The following GPC6 variants were observed in gnomAD, a reference collection of about 807,000 sequenced individuals.
The protein encoded by GPC6 is glypican 6, also known as glypican-6.
In GPC6, 14 loss-of-function variants were observed where a neutral mutation model predicts 55.2. That is an observed-to-expected ratio of 0.25 (90% confidence interval 0.17 to 0.40). The LOEUF (loss-of-function observed/expected upper bound fraction) is 0.40, where lower values mean the gene tolerates loss of function less well. Ranked by LOEUF, GPC6 falls within the 10% of genes least tolerant of loss-of-function variation. The pLI is 1.00. For missense variants in GPC6, 641 were observed against 708.5 expected (o/e 0.90, Z 1.08); for synonymous variants, 278 against 259.6 (o/e 1.07, Z -0.68).
At chr13:93,734,680 A>T (rs1198755303) in intron 2 of GPC6, among the ~76,000 whole-genome samples, 4 of 152,204 alleles carry the variant, frequency 2.6e-5, no homozygotes, top group African/African-American at 9.6e-5. Flanking sequence ...AAAAATAATG[A>T]GCCAATTAAT....
intron 2 of GPC6, among the ~76,000 whole-genome samples, chr13:93,782,693 T>C (rs1885692452): frequency 6.6e-6 from 1 of 152,188 alleles, no homozygotes; most frequent in Non-Finnish European, 1.5e-5. Flanking sequence ...GTTGAGCACT[T>C]TTACATATAC....
intron 6 of GPC6, among the ~76,000 whole-genome samples, chr13:94,357,436 C>T (rs1878852776): frequency 6.6e-6 from 1 of 152,176 alleles, no homozygotes; most frequent in Non-Finnish European, 1.5e-5. Flanking sequence ...ACCTCTGGAC[C>T]ATCTGATGCT....
chr13:93,288,982 G>A (rs1878227647), intron 1 of GPC6, among the ~76,000 whole-genome samples: 1 of 152,182 alleles, frequency 6.6e-6, no homozygotes, highest in South Asian at 2.1e-4. Flanking sequence ...GACAATGAGA[G>A]CAGTGAAATG....
At chr13:93,876,655 T>C (rs1050828941) in intron 3 of GPC6, among the ~76,000 whole-genome samples, 1 of 152,100 alleles carries the variant, frequency 6.6e-6, no homozygotes, top group Non-Finnish European at 1.5e-5. Flanking sequence ...TTAAAACACT[T>C]CTCTCACTTT....
intron 2 of GPC6, among the ~76,000 whole-genome samples, chr13:93,565,489 C>A (rs1876052889): frequency 6.6e-6 from 1 of 152,176 alleles, no homozygotes; most frequent in Non-Finnish European, 1.5e-5. Flanking sequence ...TTGAGAGTAT[C>A]TTGATCGTTT....
chr13:93,729,382 A>C (rs932363940), intron 2 of GPC6, among the ~76,000 whole-genome samples: 2 of 152,094 alleles, frequency 1.3e-5, no homozygotes, highest in Non-Finnish European at 2.9e-5. Flanking sequence ...ATGTTGACAT[A>C]CTCCTTTATA....
intron 1 of GPC6, among the ~76,000 whole-genome samples, chr13:93,369,758 G>A (rs1396519039): frequency 6.6e-6 from 1 of 152,026 alleles, no homozygotes; most frequent in Non-Finnish European, 1.5e-5. Flanking sequence ...ACTCTATAAG[G>A]AGGAATGAAA....
chr13:93,955,578 C>T (rs1229102319), intron 3 of GPC6, among the ~76,000 whole-genome samples: 5 of 152,050 alleles, frequency 3.3e-5, no homozygotes, highest in African/African-American at 1.2e-4. Flanking sequence ...TTCTAGGCAA[C>T]ACTATACTAC....
At chr13:93,225,947 G>A (rs1031473350), upstream of GPC6, among the ~76,000 whole-genome samples, 6 of 152,124 alleles carry the variant, frequency 3.9e-5, no homozygotes, top group African/African-American at 1.4e-4. Flanking sequence ...GGAGCTCTGG[G>A]TTTCAACACA....
chr13:93,573,906 G>T (rs1876533702), intron 2 of GPC6, among the ~76,000 whole-genome samples: 1 of 152,094 alleles, frequency 6.6e-6, no homozygotes, highest in Admixed American at 6.6e-5. Flanking sequence ...GTGATCCATT[G>T]TCTTTAGGAG....
chr13:94,086,555 T>A (rs1379893247), intron 4 of GPC6, among the ~76,000 whole-genome samples: 1 of 152,048 alleles, frequency 6.6e-6, no homozygotes, highest in Non-Finnish European at 1.5e-5. Flanking sequence ...TGGAAGCACA[T>A]GACTTAGTGA....
intron 3 of GPC6, among the ~76,000 whole-genome samples, chr13:93,958,355 G>T (rs1365776006): frequency 6.6e-6 from 1 of 152,026 alleles, no homozygotes; most frequent in Non-Finnish European, 1.5e-5. Context: ...TTAAATCTTT[G>T]ATCTATCTCG....
chr13:93,998,636 A>G, intron 3 of GPC6, among the ~76,000 whole-genome samples: 1 of 152,172 alleles, frequency 6.6e-6, no homozygotes, highest in East Asian at 1.9e-4. Context: ...TGAGGTCAAT[A>G]GTTACTATTG....
intron 2 of GPC6, among the ~76,000 whole-genome samples, chr13:93,686,111 A>G (rs191432418): frequency 6.6e-6 from 1 of 152,124 alleles, no homozygotes; most frequent in African/African-American, 2.4e-5. Flanking sequence ...GTCAGCATTT[A>G]TCTTATATTG....
chr13:93,346,500 G>A (rs1024848535), intron 1 of GPC6, among the ~76,000 whole-genome samples: 1 of 152,136 alleles, frequency 6.6e-6, no homozygotes, highest in African/African-American at 2.4e-5. Context: ...GTGTCTGCAA[G>A]ACCATGGGTG....
intron 6 of GPC6, among the ~76,000 whole-genome samples, chr13:94,341,912 G>A (rs368648739): frequency 3.9e-5 from 6 of 152,310 alleles, no homozygotes; most frequent in South Asian, 4.1e-4. Context: ...AATAAGTTAT[G>A]TAATGTAGGA....
intron 2 of GPC6, among the ~76,000 whole-genome samples, chr13:93,773,845 G>A (rs1367451150): frequency 6.6e-6 from 1 of 152,192 alleles, no homozygotes; most frequent in Non-Finnish European, 1.5e-5. Flanking sequence ...AAAGGAATGG[G>A]ATGAAAGTAC....
chr13:93,650,299 T>C (rs538747076), intron 2 of GPC6, among the ~76,000 whole-genome samples: 3 of 152,288 alleles, frequency 2.0e-5, no homozygotes, highest in East Asian at 3.9e-4. Flanking sequence ...TTTCCAAAAT[T>C]AAAGACCCTT....
intron 4 of GPC6, among the ~76,000 whole-genome samples, chr13:94,063,324 A>G (rs1455688225): frequency 6.6e-6 from 1 of 152,212 alleles, no homozygotes; most frequent in Non-Finnish European, 1.5e-5. Context: ...TGATCCAAAC[A>G]GAGAATTCTT....
Sources: gnomAD v4.1 joint callset for allele counts (sites outside exome capture counted in the v4.1 genomes callset) on GRCh38, gnomAD v4.1.1 for gene constraint, MANE v1.5 for transcripts, NCBI Gene and HGNC (gene_info 2026-07-23, HGNC 2026-07-21) for gene names.